COL23A1: variants seen among roughly 807,000 people sequenced by gnomAD.
COL23A1 encodes collagen alpha-1(XXIII) chain.
In COL23A1, 97 loss-of-function variants were observed where a neutral mutation model predicts 99.3. The observed-to-expected ratio is 0.98, with a 90% confidence interval of 0.83 to 1.16. The LOEUF is 1.16. COL23A1 is among the 50% of genes most tolerant of loss of function. The probability of loss-of-function intolerance (pLI) is 0.00; values close to 1 mark genes in which losing one functional copy is unlikely to be tolerated. For synonymous variants in COL23A1, 320 were observed against 308.2 expected (o/e 1.04, Z -0.40); for missense variants, 762 against 757.4 (o/e 1.01, Z -0.07).
intron 2 of COL23A1, among the ~76,000 whole-genome samples, chr5:178,409,579 T>G (rs1462750115): frequency 3.3e-5 from 5 of 152,192 alleles, no homozygotes; most frequent in African/African-American, 1.2e-4. Flanking sequence ...ATGCAACTAT[T>G]GAGGAACACT....
At chr5:178,477,113 G>C (rs573538525) in intron 2 of COL23A1, among the ~76,000 whole-genome samples, 1 of 152,338 alleles carries the variant, frequency 6.6e-6, no homozygotes, top group African/African-American at 2.4e-5. Context: ...GGCTGGATCT[G>C]CCTCATGGAA....
intron 2 of COL23A1, among the ~76,000 whole-genome samples, chr5:178,421,741 C>T (rs1009267255): frequency 1.3e-5 from 2 of 152,128 alleles, no homozygotes; most frequent in African/African-American, 4.8e-5. Flanking sequence ...TTGTGGCAGG[C>T]CCCTGTAATC....
chr5:178,585,837 G>C (rs953943076), intron 1 of COL23A1, among the ~76,000 whole-genome samples: 1 of 140,142 alleles, frequency 7.1e-6, no homozygotes, highest in Admixed American at 7.3e-5. Context: ...AGCCTCAGGG[G>C]ATGAGTCAAG....
intron 2 of COL23A1, among the ~76,000 whole-genome samples, chr5:178,503,120 G>A (rs1217519336): frequency 1.3e-5 from 2 of 152,210 alleles, no homozygotes; most frequent in East Asian, 1.9e-4. Context: ...AGTGGCTCAC[G>A]CCTGTAATCC....
chr5:178,500,786 GGAGT>G (rs1460179856), intron 2 of COL23A1, among the ~76,000 whole-genome samples: 3 of 151,920 alleles, frequency 2.0e-5, no homozygotes, highest in African/African-American at 7.3e-5. Context: ...CTCTAAACTT[GGAGT>G]AAGAAAATGT....
intron 2 of COL23A1, among the ~76,000 whole-genome samples, chr5:178,532,537 T>C (rs1468841744): frequency 6.6e-6 from 1 of 151,992 alleles, no homozygotes; most frequent in Non-Finnish European, 1.5e-5. Flanking sequence ...AGAAACCCCA[T>C]ACAGGCGAGG....
intron 2 of COL23A1, among the ~76,000 whole-genome samples, chr5:178,393,815 T>TG (rs199831675): frequency 0.011 from 1,677 of 152,214 alleles, 28 homozygotes; most frequent in African/African-American, 0.039. Context: ...TTTGTACAGA[T>TG]GGGGTTTCAC....
chr5:178,316,415 G>A (rs2127619211), intron 2 of COL23A1, among the ~76,000 whole-genome samples: 1 of 152,300 alleles, frequency 6.6e-6, no homozygotes, highest in African/African-American at 2.4e-5. Context: ...GATATACAGA[G>A]TTTTAACGAA....
rs1245184195 is a variant in COL23A1, at chr5:178,365,177, T to C, written c.362-58258A>G. Among the ~76,000 whole-genome samples, 3 of 130,500 alleles carry C rather than the reference T, an allele frequency of 2.3e-5. No individual in the cohort carries two copies. The highest frequency in any genetic ancestry group is 1.8e-4 in the Admixed American group (2 of 11,044). 85.6% of individuals were successfully genotyped at this position (130,500 alleles called of 152,430 possible). A position where few individuals can be genotyped will look rare whatever the true frequency, so the allele number is the denominator to read the frequency against. ...TGTGTGTGTGTGTGTGTGTGATAAA[T>C]AAGCAAAATTGTTTTCCTGGGACTC... On this transcript the variant is annotated intron_variant, in intron 2 of 28. Transcript: ENST00000390654. This position sits in a 1 kb window ranked among gnomAD's most constrained non-coding sequence, Gnocchi z 5.2.
intron 2 of COL23A1, among the ~76,000 whole-genome samples, chr5:178,460,526 C>T (rs1034037031): frequency 3.3e-5 from 5 of 152,104 alleles, no homozygotes; most frequent in African/African-American, 1.2e-4. Context: ...TGTGAGAGGG[C>T]GAAATAGTAA....
chr5:178,239,792 C>T (rs541702228), intron 27 of COL23A1, among the ~76,000 whole-genome samples: 8 of 111,506 alleles, frequency 7.2e-5, no homozygotes, highest in Non-Finnish European at 1.7e-5. Flanking sequence ...TGCCGAGAGC[C>T]GTGTGGCTTC....
intron 2 of COL23A1, among the ~76,000 whole-genome samples, chr5:178,541,412 A>G (rs760187627): frequency 6.6e-6 from 1 of 152,146 alleles, no homozygotes; most frequent in African/African-American, 2.4e-5. Flanking sequence ...ACATGGTGAA[A>G]CCCCGTCTCT....
At chr5:178,506,100 C>T (rs1029202877) in intron 2 of COL23A1, among the ~76,000 whole-genome samples, 8 of 152,074 alleles carry the variant, frequency 5.3e-5, no homozygotes, top group Admixed American at 1.3e-4. Flanking sequence ...TGCTGAAGGC[C>T]GGGAGGAGGA....
At chr5:178,364,934 A>G (rs1228403230) in intron 2 of COL23A1, among the ~76,000 whole-genome samples, 1 of 152,232 alleles carries the variant, frequency 6.6e-6, no homozygotes, top group Non-Finnish European at 1.5e-5. Flanking sequence ...CTGGGGCTGA[A>G]CTGGCTTGGA....
intron 2 of COL23A1, among the ~76,000 whole-genome samples, chr5:178,359,862 A>G (rs1762082946): frequency 6.6e-6 from 1 of 152,208 alleles, no homozygotes; most frequent in Non-Finnish European, 1.5e-5. Context: ...CCAGAAACTA[A>G]GCATCTTCCT....
intron 2 of COL23A1, among the ~76,000 whole-genome samples, chr5:178,471,730 C>T (rs1408669662): frequency 6.6e-6 from 1 of 152,134 alleles, no homozygotes; most frequent in African/African-American, 2.4e-5. Flanking sequence ...ACACCCCTGC[C>T]CTCATCACCC....
intron 3 of COL23A1, among the ~76,000 whole-genome samples, chr5:178,291,168 A>G (rs1002801310): frequency 1.3e-5 from 2 of 152,174 alleles, no homozygotes; most frequent in Non-Finnish European, 2.9e-5. Flanking sequence ...TCTGTGCACT[A>G]AGCCACGCGG....
At chr5:178,580,283 G>A (rs1040349671) in intron 1 of COL23A1, among the ~76,000 whole-genome samples, 12 of 151,296 alleles carry the variant, frequency 7.9e-5, no homozygotes, top group African/African-American at 1.2e-4. Context: ...AGCCGAGATC[G>A]TGCCATTGCA....
chr5:178,408,909 C>T (rs552522524), intron 2 of COL23A1, among the ~76,000 whole-genome samples: 1 of 147,912 alleles, frequency 6.8e-6, no homozygotes, highest in South Asian at 2.1e-4. Context: ...GAGCCAAGAC[C>T]GTGCCACTGC....
Sources: gnomAD v4.1 joint callset for allele counts (sites outside exome capture counted in the v4.1 genomes callset) on GRCh38, gnomAD v4.1.1 for gene constraint, Gnocchi (gnomAD v3.1) non-coding constraint, MANE v1.5 for transcripts, NCBI Gene and HGNC (gene_info 2026-07-23, HGNC 2026-07-21) for gene names.